The following SDSL variants were observed in gnomAD, a reference collection of about 807,000 sequenced individuals.
SDSL encodes the protein serine dehydratase like, also known as serine dehydratase-like.
In SDSL, 26 loss-of-function variants were observed where a neutral mutation model predicts 27.6. The observed-to-expected ratio is 0.94, with a 90% CI of 0.69 to 1.31. The LOEUF (loss-of-function observed/expected upper bound fraction) is 1.31, where lower values mean the gene tolerates loss of function less well. Ranked by LOEUF, SDSL falls within the 50% of genes most tolerant of loss-of-function variation. The pLI is 0.00. For synonymous variants in SDSL, 196 were observed against 180.6 expected, an observed-to-expected ratio of 1.09 and a Z score of -0.69; for missense variants, 431 against 423.5, an observed-to-expected ratio of 1.02 and a Z score of -0.16.
At chr12:113,424,745 T>C (rs1249074393) in intron 1 of SDSL, among the ~76,000 whole-genome samples, 1 of 151,962 alleles carries the variant, frequency 6.6e-6, no homozygotes, top group South Asian at 2.1e-4. Context: ...CTCTCTCTTT[T>C]TTTTTTTTTA....
intron 4 of SDSL, 140 bp downstream of exon 4, chr12:113,429,439 G>C (rs1390107338): frequency 6.1e-6 from 6 of 975,676 alleles, no homozygotes; most frequent in East Asian, 5.3e-5. Flanking sequence ...GCTGAGCTGA[G>C]GGGGGAATGA....
intron 5 of SDSL, 104 bp from the exon 6 acceptor site, chr12:113,435,225 T>A: frequency 1.4e-6 from 1 of 700,768 alleles, no homozygotes; most frequent in South Asian, 2.0e-5. Flanking sequence ...TTTATGTATA[T>A]GAGGGGGCAG....
chr12:113,434,145 G>A lies in SDSL; in HGVS notation c.366G>A (p.Glu122=), dbSNP rs116784032. The change falls in exon 5 of 8, where the codon GAG becomes GAA. Residue 122 remains glutamate (E), a synonymous_variant. Transcript: ENST00000403593. ...TGGTTTCTCTGTAGGTCTGGGACGA[G>A]GCCAATCTGAGGGCGCAAGAGTTGG... ...EVQLTGKVWD[E]ANLRAQELAK... is the part of the protein sequence containing the mutation. 2.7e-3 allele frequency: 4,324 copies of A among 1,613,670 alleles called. 109 individuals are homozygous for A. The African/African-American group carries it at 0.052, about 20-fold the overall frequency.
At chr12:113,430,729 GAGA>G (rs1957911882) in intron 4 of SDSL, among the ~76,000 whole-genome samples, 1 of 152,138 alleles carries the variant, frequency 6.6e-6, no homozygotes, top group Non-Finnish European at 1.5e-5. Flanking sequence ...CCACTCTAGT[GAGA>G]AGAACAGCAA....
At chr12:113,432,449 C>G (rs1957946630) in intron 4 of SDSL, among the ~76,000 whole-genome samples, 1 of 152,050 alleles carries the variant, frequency 6.6e-6, no homozygotes, top group Non-Finnish European at 1.5e-5. Context: ...TCAAGCGATT[C>G]CGCTGCCTCA....
At chr12:113,425,618 A>G (rs1193321639) in intron 1 of SDSL, 11 of 448,406 alleles carry the variant, frequency 2.5e-5, no homozygotes, top group Admixed American at 2.4e-4. Flanking sequence ...TTTCTCTACT[A>G]TTTTTCCTCC....
At chr12:113,425,334 G>T (rs1383151781) in intron 1 of SDSL, among the ~76,000 whole-genome samples, 1 of 152,168 alleles carries the variant, frequency 6.6e-6, no homozygotes, top group African/African-American at 2.4e-5. Context: ...GGACTGGGAA[G>T]AGGTGGCTCA....
chr12:113,424,016 A>T (rs564980550), intron 1 of SDSL, among the ~76,000 whole-genome samples: 64 of 151,664 alleles, frequency 4.2e-4, no homozygotes, highest in African/African-American at 1.4e-3. Flanking sequence ...ATTTTTTATT[A>T]TTTTTTTTGA....
chr12:113,437,386 G>A (rs868766172), intron 7 of SDSL, among the ~76,000 whole-genome samples: 1 of 152,202 alleles, frequency 6.6e-6, no homozygotes, highest in African/African-American at 2.4e-5. Context: ...TTGATTGAAG[G>A]GATGAATATA....
At chr12:113,437,634 C>T (rs1041245746) in intron 7 of SDSL, among the ~76,000 whole-genome samples, 1 of 151,754 alleles carries the variant, frequency 6.6e-6, no homozygotes, top group African/African-American at 2.4e-5. Flanking sequence ...GATGGATGGA[C>T]AGATAGATAG....
chr12:113,429,236 C>T lies in SDSL; in HGVS notation c.291C>T (p.Ser97=), dbSNP rs766825199. The change falls in exon 4 of 8, where the codon AGC becomes AGT. Residue 97 remains serine (S), a synonymous_variant. Transcript: ENST00000403593. The part of the protein sequence containing the change: ...GIPATIVLPE[S]TSLQVVQRLQ... ...CTGCCACCATCGTGCTCCCCGAGAG[C>T]ACCTCCCTGCAGGTGGTGCAGAGGC... 5.0e-6 allele frequency: 8 copies of T among 1,613,684 alleles called. No individual in the cohort carries two copies. The highest frequency in any genetic ancestry group is 5.9e-6 in the Non-Finnish European group (7 of 1,179,822).
intron 1 of SDSL, 96 bp from the exon 2 acceptor site, chr12:113,427,866 C>T (rs1212521453): frequency 6.0e-6 from 7 of 1,171,692 alleles, no homozygotes; most frequent in Non-Finnish European, 8.3e-6. Context: ...TGAAGGGCAC[C>T]TAAGCCAAGG....
At chr12:113,426,080 TC>T in intron 1 of SDSL, 2 of 433,828 alleles carry the variant, frequency 4.6e-6, no homozygotes, top group Non-Finnish European at 9.3e-6. Flanking sequence ...ACAACCAAAC[TC>T]CTCTCCGTGG....
intron 4 of SDSL, 114 bp downstream of exon 4, chr12:113,429,413 G>C: frequency 8.3e-7 from 1 of 1,198,744 alleles, no homozygotes; most frequent in South Asian, 1.5e-5. Context: ...CTGGGACCCA[G>C]TCCTCTCTCA....
At chr12:113,431,595 A>G (rs1957922134) in intron 4 of SDSL, among the ~76,000 whole-genome samples, 1 of 148,300 alleles carries the variant, frequency 6.7e-6, no homozygotes, top group South Asian at 2.1e-4. Context: ...TTTTTTTGAG[A>G]CAGAGTCTTA....
chr12:113,428,250 G>C, intron 2 of SDSL, 94 bp downstream of exon 2: 1 of 1,380,486 alleles, frequency 7.2e-7, no homozygotes, highest in Non-Finnish European at 1.0e-6. Flanking sequence ...GGGCAGGAGG[G>C]GAAACATGAA....
At chr12:113,433,507 G>A (rs1186364266) in intron 4 of SDSL, among the ~76,000 whole-genome samples, 3 of 152,198 alleles carry the variant, frequency 2.0e-5, no homozygotes, top group Non-Finnish European at 4.4e-5. Context: ...GTGATTGCAG[G>A]AAGCATTGGT....
chr12:113,424,524 G>A (rs1363076679), intron 1 of SDSL, among the ~76,000 whole-genome samples: 1 of 152,130 alleles, frequency 6.6e-6, no homozygotes, highest in African/African-American at 2.4e-5. Flanking sequence ...CAGCTCCAAG[G>A]TTGATGTCTA....
intron 4 of SDSL, among the ~76,000 whole-genome samples, chr12:113,429,896 T>G (rs12816308): frequency 0.083 from 12,667 of 152,076 alleles, 819 homozygotes; most frequent in African/African-American, 0.18. Context: ...TATAGTTTCT[T>G]CCCTTTCTTC....
Sources: gnomAD v4.1 joint callset for allele counts (sites outside exome capture counted in the v4.1 genomes callset) on GRCh38, gnomAD v4.1.1 for gene constraint, MANE v1.5 for transcripts, NCBI Gene and HGNC (gene_info 2026-07-23, HGNC 2026-07-21) for gene names.